RGS6: variants seen among roughly 807,000 people sequenced by gnomAD.
The protein encoded by RGS6 is regulator of G protein signaling 6.
Under a neutral mutation model 78.5 loss-of-function variants are expected in RGS6, and 30 were observed. That is an observed-to-expected ratio of 0.38 (90% CI 0.29 to 0.52). RGS6 has a LOEUF of 0.52. Ranked by LOEUF, RGS6 falls within the 20% of genes least tolerant of loss-of-function variation. The probability of loss-of-function intolerance (pLI) is 0.85; values close to 1 mark genes in which losing one functional copy is unlikely to be tolerated. For missense variants in RGS6, 495 were observed against 609.7 expected (o/e 0.81, Z 1.98); for synonymous variants, 206 against 206.0 (o/e 1.00, Z 0.00).
At chr14:72,178,910 T>G (rs2097139705) in intron 2 of RGS6, among the ~76,000 whole-genome samples, 1 of 152,248 alleles carries the variant, frequency 6.6e-6, no homozygotes, top group Non-Finnish European at 1.5e-5. Context: ...ACTGATGTTA[T>G]CTGATCTTGG....
At chr14:72,277,157 A>G (rs1302411327) in intron 2 of RGS6, among the ~76,000 whole-genome samples, 1 of 152,228 alleles carries the variant, frequency 6.6e-6, no homozygotes, top group East Asian at 1.9e-4. Context: ...GTTTGTGAGC[A>G]GTGCTGGAGC....
At chr14:71,911,697 G>A in the RGS6 span, among the ~76,000 whole-genome samples, 1 of 152,056 alleles carries the variant, frequency 6.6e-6, no homozygotes. Flanking sequence ...GTCAACTGAA[G>A]AATCATGAGG....
chr14:71,988,893 CAAA>C (rs1402280269), intron 2 of RGS6, among the ~76,000 whole-genome samples: 1 of 152,206 alleles, frequency 6.6e-6, no homozygotes, highest in African/African-American at 2.4e-5. Flanking sequence ...ATTCACCCCT[CAAA>C]TAATATGTTT....
chr14:72,362,461 G>C (rs2081633441), intron 3 of RGS6, among the ~76,000 whole-genome samples: 1 of 152,182 alleles, frequency 6.6e-6, no homozygotes, highest in Admixed American at 6.5e-5. Context: ...GCTGGTCTCA[G>C]CCATGAGGCC....
chr14:72,350,809 A>G (rs1048199408), intron 2 of RGS6, among the ~76,000 whole-genome samples: 3 of 152,202 alleles, frequency 2.0e-5, no homozygotes, highest in Non-Finnish European at 2.9e-5. Flanking sequence ...TTTATGTGAA[A>G]AAATGGAGAT....
intron 2 of RGS6, among the ~76,000 whole-genome samples, chr14:72,147,773 G>A (rs535001910): frequency 1.3e-5 from 2 of 152,280 alleles, no homozygotes; most frequent in South Asian, 4.1e-4. Context: ...GAGTACAGGT[G>A]GGATGAATCC....
chr14:72,343,746 T>C (rs2077472528), intron 2 of RGS6, among the ~76,000 whole-genome samples: 2 of 152,208 alleles, frequency 1.3e-5, no homozygotes, highest in Admixed American at 1.3e-4. Flanking sequence ...TTCATGCCAA[T>C]AATCTCATTT....
intron 3 of RGS6, among the ~76,000 whole-genome samples, chr14:72,370,043 AT>A (rs907800314): frequency 8.5e-5 from 13 of 152,164 alleles, no homozygotes; most frequent in African/African-American, 2.9e-4. Flanking sequence ...ATTCATAACC[AT>A]ATATACATTT....
At chr14:72,322,281 A>G (rs2072304443) in intron 2 of RGS6, among the ~76,000 whole-genome samples, 2 of 152,170 alleles carry the variant, frequency 1.3e-5, no homozygotes, top group South Asian at 2.1e-4. Flanking sequence ...TCAATAAATC[A>G]TTAGTAAACA....
intron 1 of RGS6, among the ~76,000 whole-genome samples, chr14:71,953,108 T>G (rs1471017925): frequency 6.6e-6 from 1 of 152,148 alleles, no homozygotes; most frequent in Non-Finnish European, 1.5e-5. Flanking sequence ...GAACCCATAC[T>G]TAACAAAATA....
chr14:72,244,160 A>G (rs781246225), intron 2 of RGS6, among the ~76,000 whole-genome samples: 9 of 152,142 alleles, frequency 5.9e-5, no homozygotes, highest in Admixed American at 3.9e-4. Flanking sequence ...TAGCGCAGGG[A>G]ACAGAGTAAA....
intron 8 of RGS6, among the ~76,000 whole-genome samples, chr14:72,471,349 T>C (rs2239279): frequency 0.16 from 24,799 of 152,208 alleles, 2,238 homozygotes; most frequent in Middle Eastern, 0.28. Flanking sequence ...AACAGAATGA[T>C]TGGATCTGGA....
chr14:72,103,537 G>A (rs750203825), intron 2 of RGS6, among the ~76,000 whole-genome samples: 2 of 152,102 alleles, frequency 1.3e-5, no homozygotes, highest in African/African-American at 4.8e-5. Context: ...CTGAACTTAC[G>A]TATTTTTGTA....
the RGS6 span, among the ~76,000 whole-genome samples, chr14:71,921,634 A>T: frequency 1.0e-4 from 16 of 152,388 alleles, no homozygotes; most frequent in South Asian, 2.9e-3. Flanking sequence ...GCATGATCTC[A>T]CTTATATGTG....
At chr14:71,888,894 C>T in the RGS6 span, among the ~76,000 whole-genome samples, 2 of 152,078 alleles carry the variant, frequency 1.3e-5, no homozygotes, top group South Asian at 4.1e-4. Flanking sequence ...CAATAAAACA[C>T]TGAAATGTAT....
At chr14:72,299,279 A>G (rs2065557475) in intron 2 of RGS6, among the ~76,000 whole-genome samples, 1 of 152,032 alleles carries the variant, frequency 6.6e-6, no homozygotes, top group Non-Finnish European at 1.5e-5. Flanking sequence ...TTCCCACCCT[A>G]TTTACCCAGC....
intron 2 of RGS6, among the ~76,000 whole-genome samples, chr14:72,300,155 A>T (rs2065751346): frequency 1.3e-5 from 2 of 152,086 alleles, no homozygotes; most frequent in South Asian, 4.2e-4. Context: ...AGATCGATGT[A>T]TTGATAGTAG....
chr14:72,584,179 T>C, the RGS6 span, among the ~76,000 whole-genome samples: 1 of 152,176 alleles, frequency 6.6e-6, no homozygotes, highest in Non-Finnish European at 1.5e-5. Context: ...TTCAATTTAA[T>C]AAATTCAATC....
intron 3 of RGS6, among the ~76,000 whole-genome samples, chr14:72,450,963 CAAT>C (rs2095477748): frequency 6.6e-6 from 1 of 152,222 alleles, no homozygotes; most frequent in Admixed American, 6.5e-5. Context: ...GCTGCACACA[CAAT>C]GATTTACTCC....
Sources: gnomAD v4.1 joint callset for allele counts (sites outside exome capture counted in the v4.1 genomes callset) on GRCh38, gnomAD v4.1.1 for gene constraint, MANE v1.5 for transcripts, NCBI Gene and HGNC (gene_info 2026-07-23, HGNC 2026-07-21) for gene names.